The following GRID1 variants were observed in gnomAD, a reference collection of about 807,000 sequenced individuals.
GRID1 encodes glutamate receptor ionotropic, delta-1.
A neutral mutation model predicts 98.0 loss-of-function variants in GRID1; 28 were observed. That is an observed-to-expected ratio of 0.29 (90% confidence interval 0.21 to 0.39). The LOEUF (loss-of-function observed/expected upper bound fraction) is 0.39, where lower values mean the gene tolerates loss of function less well. Ranked by LOEUF, GRID1 falls within the 10% of genes least tolerant of loss-of-function variation. The probability of loss-of-function intolerance (pLI) is 1.00; values close to 1 mark genes in which losing one functional copy is unlikely to be tolerated. For synonymous variants in GRID1, 553 were observed against 538.5 expected, an observed-to-expected ratio of 1.03 and a Z score of -0.37; for missense variants, 1,111 against 1,340.5, an observed-to-expected ratio of 0.83 and a Z score of 2.67.
At chr10:86,049,503 T>C (rs1843470244) in intron 4 of GRID1, among the ~76,000 whole-genome samples, 1 of 152,198 alleles carries the variant, frequency 6.6e-6, no homozygotes, top group Non-Finnish European at 1.5e-5. Flanking sequence ...GGGACTGAAC[T>C]AGAAAGCAAG....
At chr10:86,307,992 TC>T (rs1336826384) in intron 2 of GRID1, among the ~76,000 whole-genome samples, 3 of 152,228 alleles carry the variant, frequency 2.0e-5, no homozygotes, top group Admixed American at 6.5e-5. Flanking sequence ...GTGCAGGGGA[TC>T]CCCGGAACTT....
At chr10:86,281,813 C>T (rs1847361392) in intron 2 of GRID1, among the ~76,000 whole-genome samples, 1 of 152,200 alleles carries the variant, frequency 6.6e-6, no homozygotes, top group African/African-American at 2.4e-5. Context: ...AAAGCTCTCC[C>T]AGATGATTCT....
At chr10:85,701,096 T>G (rs1280129553) in intron 12 of GRID1, among the ~76,000 whole-genome samples, 1 of 152,186 alleles carries the variant, frequency 6.6e-6, no homozygotes, top group African/African-American at 2.4e-5. Flanking sequence ...CAGGGAAGGC[T>G]GCTACCTACT....
intron 12 of GRID1, among the ~76,000 whole-genome samples, chr10:85,683,430 C>A (rs1334674272): frequency 6.6e-6 from 1 of 152,168 alleles, no homozygotes; most frequent in African/African-American, 2.4e-5. Flanking sequence ...CTTCACAATA[C>A]TGTTTTAGAG....
At chr10:86,245,207 T>A (rs1402562459) in intron 2 of GRID1, among the ~76,000 whole-genome samples, 1 of 152,196 alleles carries the variant, frequency 6.6e-6, no homozygotes, top group East Asian at 1.9e-4. Flanking sequence ...GGGGAGTGGA[T>A]TAAGCCAGGG....
At chr10:85,915,679 CAT>C in intron 5 of GRID1, among the ~76,000 whole-genome samples, 1 of 151,800 alleles carries the variant, frequency 6.6e-6, no homozygotes, top group Admixed American at 6.6e-5. Context: ...CACAAACACA[CAT>C]ACACACTCAC....
At chr10:86,340,474 C>T (rs1159399962) in intron 2 of GRID1, among the ~76,000 whole-genome samples, 1 of 152,242 alleles carries the variant, frequency 6.6e-6, no homozygotes, top group Non-Finnish European at 1.5e-5. Flanking sequence ...AGAGAGAGCC[C>T]ACAATTCCCC....
intron 8 of GRID1, among the ~76,000 whole-genome samples, chr10:85,811,785 G>A (rs149491924): frequency 8.5e-5 from 13 of 152,224 alleles, no homozygotes; most frequent in Non-Finnish European, 1.6e-4. Flanking sequence ...AAACATTTTT[G>A]ATAAAATAAT....
chr10:85,859,218 C>T (rs1245321616), intron 6 of GRID1, among the ~76,000 whole-genome samples: 1 of 152,228 alleles, frequency 6.6e-6, no homozygotes, highest in Admixed American at 6.5e-5. Flanking sequence ...CCAATCAAAG[C>T]ACATAGCTGG....
intron 15 of GRID1, chr10:85,606,456 T>C (rs1021467187): frequency 1.4e-4 from 21 of 152,228 alleles, no homozygotes; most frequent in African/African-American, 4.3e-4. Context: ...ATCTCAAGTC[T>C]CTTATTTTGG....
At chr10:85,634,275 TCTCTCTCTCTCTCTCTCACA>T (rs1590168297) in intron 13 of GRID1, among the ~76,000 whole-genome samples, 1 of 144,624 alleles carries the variant, frequency 6.9e-6, no homozygotes, top group African/African-American at 2.7e-5. Context: ...TCTCTCTCTC[TCTCTCTCTCTCTCTCTCACA>T]CACACACACA....
intron 2 of GRID1, among the ~76,000 whole-genome samples, chr10:86,257,376 T>A (rs534096333): frequency 7.7e-4 from 118 of 152,282 alleles, no homozygotes; most frequent in Admixed American, 1.2e-3. Context: ...ATACAGTGTG[T>A]GGGATACAAA....
chr10:86,017,576 G>A (rs1842995489), intron 4 of GRID1, among the ~76,000 whole-genome samples: 1 of 152,200 alleles, frequency 6.6e-6, no homozygotes, highest in Non-Finnish European at 1.5e-5. Context: ...CTGGGTCATG[G>A]TTCAATGTCA....
chr10:85,971,751 A>T (rs1176591788), intron 4 of GRID1, among the ~76,000 whole-genome samples: 1 of 152,146 alleles, frequency 6.6e-6, no homozygotes, highest in African/African-American at 2.4e-5. Context: ...GTGGGAAAAA[A>T]TTCCTGCAAT....
intron 12 of GRID1, among the ~76,000 whole-genome samples, chr10:85,715,308 T>C (rs915313774): frequency 6.6e-6 from 1 of 152,170 alleles, no homozygotes; most frequent in African/African-American, 2.4e-5. Context: ...CTTTTTGACA[T>C]TGGTCTGGGG....
At chr10:86,076,820 C>T (rs1342197595) in intron 4 of GRID1, among the ~76,000 whole-genome samples, 3 of 148,410 alleles carry the variant, frequency 2.0e-5, no homozygotes, top group Non-Finnish European at 4.5e-5. Flanking sequence ...GTTTGCTCAA[C>T]CTTTGGCCTT....
At chr10:86,064,083 A>G (rs1843686616) in intron 4 of GRID1, among the ~76,000 whole-genome samples, 1 of 152,050 alleles carries the variant, frequency 6.6e-6, no homozygotes, top group African/African-American at 2.4e-5. Flanking sequence ...TTTTTCCTTT[A>G]TGGCTGTTTA....
At chr10:86,018,580 T>C (rs1483121817) in intron 4 of GRID1, among the ~76,000 whole-genome samples, 1 of 152,240 alleles carries the variant, frequency 6.6e-6, no homozygotes, top group Non-Finnish European at 1.5e-5. Context: ...CTTTGTTACA[T>C]GCACGTGACT....
intron 2 of GRID1, among the ~76,000 whole-genome samples, chr10:86,325,180 C>T (rs1202698435): frequency 6.6e-6 from 1 of 150,530 alleles, no homozygotes; most frequent in Non-Finnish European, 1.5e-5. Context: ...ATTTGCACAT[C>T]TCACTTGTAT....
Sources: allele counts gnomAD v4.1 joint callset (sites outside exome capture counted in the v4.1 genomes callset), GRCh38; gene constraint gnomAD v4.1.1; transcripts MANE v1.5; gene names NCBI Gene and HGNC (gene_info 2026-07-23, HGNC 2026-07-21).